CSPG4: variants seen among roughly 807,000 people sequenced by gnomAD.
CSPG4 encodes chondroitin sulfate proteoglycan 4 (melanoma-associated).
In CSPG4, 74 loss-of-function variants were observed where a neutral mutation model predicts 139.3. The observed-to-expected ratio is 0.53, with a 90% confidence interval of 0.44 to 0.64. CSPG4 has a LOEUF of 0.64. Ranked by LOEUF, CSPG4 falls within the 30% of genes least tolerant of loss-of-function variation. The pLI is 0.00. For synonymous variants in CSPG4, 1,234 were observed against 1,394.2 expected (o/e 0.89, Z 2.56); for missense variants, 2,565 against 3,148.3 (o/e 0.81, Z 4.43).
At chr15:75,691,864 T>A (rs1332577647) in intron 2 of CSPG4, among the ~76,000 whole-genome samples, 7 of 152,174 alleles carry the variant, frequency 4.6e-5, no homozygotes, top group African/African-American at 1.7e-4. Context: ...TCATTGTACC[T>A]ACAGAACTGG....
chr15:75,706,380 T>C (rs1894372293), intron 1 of CSPG4, among the ~76,000 whole-genome samples: 1 of 151,980 alleles, frequency 6.6e-6, no homozygotes, highest in South Asian at 2.1e-4. Context: ...CAATACTGCG[T>C]GTGTGTGAGT....
chr15:75,697,927 G>A (rs888903043), intron 1 of CSPG4, among the ~76,000 whole-genome samples: 8 of 152,222 alleles, frequency 5.3e-5, no homozygotes, highest in African/African-American at 1.2e-4. Flanking sequence ...GCTAACATGG[G>A]AGAAAGTTAT....
At chr15:75,704,564 G>A (rs1271663828) in intron 1 of CSPG4, among the ~76,000 whole-genome samples, 1 of 152,220 alleles carries the variant, frequency 6.6e-6, no homozygotes, top group African/African-American at 2.4e-5. Context: ...GGTCTGTGGA[G>A]AAGAGTCACC....
In CSPG4 at chr15:75,687,479, C is replaced by T. The variant is rs1199072582; in HGVS notation, c.3586G>A (p.Ala1196Thr). 1.2e-6 allele frequency: 2 copies of T among 1,612,590 alleles called. No individual in the cohort carries two copies. Among genetic ancestry groups the T allele is most frequent in the Admixed American group, 1.7e-5 (1 of 60,002 alleles). The change falls in exon 3 of 10, where the codon GCC (alanine) becomes ACC (threonine). Residue 1196 changes from alanine (A) to threonine (T), a missense_variant. Ala to Thr is a moderately conservative substitution (Grantham distance 58). Transcript: ENST00000308508. This position sits in a 1 kb window ranked among gnomAD's most constrained non-coding sequence, Gnocchi z 5.4. ...AFSQQDLLDG[A>T]VLYSHNGSLS... The stretch of plus-strand genomic sequence containing the variant: ...CTGCCATTGTGGCTATAGAGAACGG[C>T]CCCATCCAGCAGGTCCTGCTGGGAG...
chr15:75,682,644 G>C lies in CSPG4; in HGVS notation c.4746C>G (p.Leu1582=), dbSNP rs759296054. The change falls in exon 7 of 10, where the codon CTC becomes CTG. Residue 1582 remains leucine, a synonymous_variant. Transcript: ENST00000308508. ...TCAGTGTCTGGCTGCCCTTCAGCGA[G>C]AGGAGCACTTGCTTCTGGGCCGTCA... ...FRVTAQKQVL[L]SLKGSQTLTV... 1 of 1,613,192 alleles carries C rather than the reference G, an allele frequency of 6.2e-7. No individual in the cohort carries two copies. The highest frequency in any genetic ancestry group is 8.5e-7 in the Non-Finnish European group (1 of 1,180,034).
At position 75,691,464 on chromosome 15, in the gene CSPG4, G is replaced by A. The variant is rs1894164733; in HGVS notation, c.253-652C>T. 2.0e-5 allele frequency among the ~76,000 whole-genome samples: 3 copies of A among 152,222 alleles called. No homozygotes were observed. In the South Asian group the frequency reaches 6.2e-4, roughly 32 times the overall value. On this transcript the variant is annotated intron_variant, in intron 2 of 9. Transcript: ENST00000308508. ...CTTCCCCTCTTTCCTTGAGTGAGAGGTGCCAGAAATATTGTCTTGGAATCT... is the reference window on the plus strand; with the variant it reads ...CTTCCCCTCTTTCCTTGAGTGAGAGATGCCAGAAATATTGTCTTGGAATCT...
chr15:75,682,768 T>C (rs752302356), intron 6 of CSPG4, 27 bp from the exon 7 acceptor site: 28 of 1,609,860 alleles, frequency 1.7e-5, no homozygotes, highest in Non-Finnish European at 2.3e-5. Flanking sequence ...TGGGTCCAGC[T>C]GGCCCGAGCC....
intron 8 of CSPG4, chr15:75,679,050 T>A (rs1893934766): frequency 2.0e-5 from 6 of 301,992 alleles, no homozygotes; most frequent in South Asian, 1.7e-4. Flanking sequence ...ACAGGCACTC[T>A]CCATGAGTCC....
chr15:75,690,793 T>C lies in CSPG4; in HGVS notation c.272A>G (p.Gln91Arg). 6.2e-7 allele frequency: 1 copy of C among 1,611,618 alleles called. No homozygotes were observed. ...TGGAGTCTGCAGCCTCAGCTCCTCCTGGCCCAGAACAAGTCTGACCTGAAG... is the reference window on the plus strand; with the variant it reads ...TGGAGTCTGCAGCCTCAGCTCCTCCCGGCCCAGAACAAGTCTGACCTGAAG... Reference protein sequence around the residue: ...GRLQVRLVLGQEELRLQTPAE... With the variant: ...GRLQVRLVLGREELRLQTPAE... Residue 91 changes from glutamine (Q) to arginine (R), a missense_variant, in exon 3 of 10, where the codon CAG becomes CGG. Around this residue, in one of 5 missense-constraint regions of CSPG4, gnomAD observed 132 missense variants for 132.3 expected, o/e 1.00. Transcript: ENST00000308508.
Position 75,676,313 on chromosome 15 carries a change from T to C in CSPG4, c.6206A>G (p.Asp2069Gly), listed in dbSNP as rs1202696206. ...ATLRLDPTVL[D>G]AGELANRTGS... is the part of the protein sequence containing the mutation. ...TGTGCGGTTGGCCAGCTCGCCAGCA[T>C]CTAGGACGGTGGGGTCCAGGCGCAG... Residue 2069 changes from aspartate to glycine, a missense_variant, in exon 10 of 10, where the codon GAT becomes GGT. Around this residue, in one of 5 missense-constraint regions of CSPG4, gnomAD observed 2,316 missense variants for 2,818.2 expected, o/e 0.82. Transcript: ENST00000308508. The C allele has an allele frequency of 6.2e-7, 1 of 1,609,314 alleles. No individual in the cohort carries two copies. The highest frequency in any genetic ancestry group is 1.7e-5 in the Admixed American group (1 of 59,558).
intron 1 of CSPG4, among the ~76,000 whole-genome samples, chr15:75,707,610 C>T (rs1259654544): frequency 6.6e-6 from 1 of 152,220 alleles, no homozygotes; most frequent in Admixed American, 6.5e-5. Flanking sequence ...TGCTCCCGGC[C>T]TCCAGGCTCC....
rs894882788 is a variant in CSPG4 at position 75,687,654 on chromosome 15, G to C, written c.3411C>G (p.Val1137=). 1.9e-6 allele frequency: 3 copies of C among 1,612,728 alleles called. No individual in the cohort carries two copies. In the African/African-American group the frequency reaches 4.0e-5, roughly 22 times the overall value. ...CGATGGTGCCCTGGCCTCCTTGAGG[G>C]ACCACAAGGCTGGAGCCGTTGGCCA... ...LRVANGSSLV[V]PQGGQGTIDT... The change falls in exon 3 of 10, where the codon GTC becomes GTG. Residue 1137 remains valine (V), a synonymous_variant. Coordinates refer to ENST00000308508, the MANE Select transcript of CSPG4 (RefSeq NM_001897.5). This position sits in a 1 kb window ranked among gnomAD's most constrained non-coding sequence, Gnocchi z 5.4.
chr15:75,676,387 C>A lies in CSPG4; in HGVS notation c.6132G>T (p.Arg2044Ser). The change falls in exon 10 of 10, where the codon AGG becomes AGT. Residue 2044 changes from arginine to serine, a missense_variant. Physicochemically the swap from Arg to Ser is moderately radical, Grantham distance 110. This residue lies in a region of CSPG4 where 2,316 missense variants were observed against 2,818.2 expected (regional missense o/e 0.82). Coordinates refer to ENST00000308508, the MANE Select transcript of CSPG4 (RefSeq NM_001897.5). ...NASAVVNVTV[R>S]ALLHVWAGGP... ...CACCTGCCCACACATGCAGCAGAGC[C>A]CTCACAGTGACGTTCACTACGGCTG... 6.2e-7 allele frequency: 1 copy of A among 1,613,590 alleles called. No homozygotes were observed. The highest frequency in any genetic ancestry group is 8.5e-7 in the Non-Finnish European group (1 of 1,180,040).
At chr15:75,677,554 A>T in intron 9 of CSPG4, 149 bp downstream of exon 9, 1 of 1,170,350 alleles carries the variant, frequency 8.5e-7, no homozygotes, top group Middle Eastern at 2.7e-4. Flanking sequence ...CCCCGCTGTG[A>T]TGTCAAAGCT....
chr15:75,701,317 T>C (rs1481603403), intron 1 of CSPG4, among the ~76,000 whole-genome samples: 2 of 152,168 alleles, frequency 1.3e-5, no homozygotes, highest in African/African-American at 2.4e-5. Context: ...TCAAATGAGA[T>C]GGCATTTGTC....
In CSPG4 at chr15:75,674,855, C is replaced by G. The variant is rs1454007387; in HGVS notation, c.*695G>C. 9 of 398,598 alleles carry G rather than the reference C, an allele frequency of 2.3e-5. No individual in the cohort carries two copies. Among genetic ancestry groups the G allele is most frequent in the Admixed American group, 8.8e-5 (2 of 22,718 alleles). The allele number at this position is 398,598 out of a possible 1,614,324, so 24.7% of individuals were successfully genotyped here. A position where few individuals can be genotyped will look rare whatever the true frequency, so the allele number is the denominator to read the frequency against. The stretch of plus-strand genomic sequence containing the variant: ...GCAGACCCTCCTCCATCCCACACCC[C>G]CAGGGGCTCCATCAGTCCTGGCTAG... On this transcript the variant is annotated 3_prime_UTR_variant, in exon 10 of 10. Transcript: ENST00000308508.
intron 8 of CSPG4, chr15:75,680,573 G>A (rs1893959433): frequency 6.5e-6 from 1 of 152,848 alleles, no homozygotes; most frequent in South Asian, 2.1e-4. Flanking sequence ...GGAGCCCCCA[G>A]GAGTGGGAGT....
chr15:75,680,050 T>C (rs1893951756), intron 8 of CSPG4: 1 of 152,220 alleles, frequency 6.6e-6, no homozygotes, highest in South Asian at 2.1e-4. Context: ...ACTTGCCCAA[T>C]AGTAACATGG....
chr15:75,694,415 G>A (rs1894201270), intron 1 of CSPG4, among the ~76,000 whole-genome samples: 1 of 152,256 alleles, frequency 6.6e-6, no homozygotes, highest in South Asian at 2.1e-4. Flanking sequence ...AGGGCTGGGG[G>A]GTAGAGAAAC....
Sources: gnomAD v4.1 joint callset for allele counts (sites outside exome capture counted in the v4.1 genomes callset) on GRCh38, gnomAD v4.1.1 for gene constraint, gnomAD v4.1.1 regional missense constraint, Gnocchi (gnomAD v3.1) non-coding constraint, MANE v1.5 for transcripts, NCBI Gene and HGNC (gene_info 2026-07-23, HGNC 2026-07-21) for gene names.